The following TARS3 variants were observed in gnomAD, a reference collection of about 807,000 sequenced individuals.
The protein encoded by TARS3 is threonine--tRNA ligase 2, cytoplasmic.
TARS3 carries 94 observed loss-of-function variants against 103.5 expected under a neutral mutation model. The ratio of observed to expected loss-of-function variants is 0.91; its 90% CI spans 0.77 to 1.08. The LOEUF is 1.08. Among genes scored for constraint, TARS3 ranks in the 50% least tolerant of loss-of-function variants. The probability of loss-of-function intolerance (pLI) is 0.00; values close to 1 mark genes in which losing one functional copy is unlikely to be tolerated. For missense variants in TARS3, 952 were observed against 995.2 expected (o/e 0.96, Z 0.58); for synonymous variants, 416 against 355.4 (o/e 1.17, Z -1.92).
intron 16 of TARS3, among the ~76,000 whole-genome samples, chr15:101,660,063 A>C (rs1467602058): frequency 6.6e-6 from 1 of 152,194 alleles, no homozygotes; most frequent in South Asian, 2.1e-4. Flanking sequence ...ACCACATGGA[A>C]TCCATTATGG....
At chr15:101,687,360 G>A (rs1350028821) in intron 10 of TARS3, among the ~76,000 whole-genome samples, 2 of 152,096 alleles carry the variant, frequency 1.3e-5, no homozygotes, top group Admixed American at 6.6e-5. Flanking sequence ...CCAAGGTCAC[G>A]CCATTGCACT....
At chr15:101,695,035 T>C (rs1898901407) in intron 10 of TARS3, among the ~76,000 whole-genome samples, 1 of 152,198 alleles carries the variant, frequency 6.6e-6, no homozygotes, top group Non-Finnish European at 1.5e-5. Flanking sequence ...TGAATGTACT[T>C]AGTGAGAATG....
chr15:101,656,771 A>T (rs1054276877), intron 18 of TARS3, 151 bp downstream of exon 18: 29 of 571,732 alleles, frequency 5.1e-5, no homozygotes, highest in Admixed American at 2.3e-4. Context: ...GGAACAGCTA[A>T]GCTAGGAATG....
At chr15:101,671,189 T>G (rs776768434) in intron 15 of TARS3, among the ~76,000 whole-genome samples, 2 of 152,176 alleles carry the variant, frequency 1.3e-5, no homozygotes, top group Non-Finnish European at 2.9e-5. Context: ...ACAGACCCAA[T>G]GCCAGCATTT....
intron 3 of TARS3, among the ~76,000 whole-genome samples, chr15:101,717,945 G>C (rs1473171825): frequency 2.0e-5 from 3 of 152,224 alleles, no homozygotes; most frequent in African/African-American, 7.2e-5. Context: ...CTGGCAGTGA[G>C]TAACAAGGAA....
At position 101,686,034 on chromosome 15, in the gene TARS3, T is replaced by C. The variant is rs769877012; in HGVS notation, c.1349A>G (p.Glu450Gly). Reference protein sequence around the residue: ...REEYHKRDFTEVLSPNMYNSK... With the variant: ...REEYHKRDFTGVLSPNMYNSK... ...GTTGTACATATTGGGAGAGAGCACC[T>C]CCGTGAAGTCCCGTTTGTGATATTC... The change falls in exon 11 of 19, where the codon GAG becomes GGG. Residue 450 changes from glutamate (E) to glycine (G), a missense_variant. Around this residue, in one of 2 missense-constraint regions of TARS3, gnomAD observed 540 missense variants for 631.0 expected, o/e 0.86. Coordinates refer to ENST00000335968, the MANE Select transcript of TARS3 (RefSeq NM_152334.3). 11 of 1,611,364 alleles carry C rather than the reference T, an allele frequency of 6.8e-6. No homozygotes were observed. Among genetic ancestry groups the C allele is most frequent in the South Asian group, 1.1e-5 (1 of 90,606 alleles).
intron 15 of TARS3, among the ~76,000 whole-genome samples, chr15:101,670,656 C>T (rs545488490): frequency 1.8e-4 from 27 of 152,240 alleles, no homozygotes; most frequent in Non-Finnish European, 2.5e-4. Flanking sequence ...TGACCCATTC[C>T]CAGTTATTTA....
chr15:101,665,509 G>A (rs1364859499), intron 15 of TARS3, among the ~76,000 whole-genome samples: 1 of 152,186 alleles, frequency 6.6e-6, no homozygotes, highest in East Asian at 1.9e-4. Context: ...TATCATCTCA[G>A]CGTGTAGTGG....
chr15:101,679,953 A>AT (rs1468774139), intron 12 of TARS3, among the ~76,000 whole-genome samples: 1 of 152,128 alleles, frequency 6.6e-6, no homozygotes, highest in Non-Finnish European at 1.5e-5. Flanking sequence ...CTCATGACCA[A>AT]TTGGCAGTGA....
chr15:101,685,394 C>T lies in TARS3; in HGVS notation c.1487+502G>A, dbSNP rs573013380. Among the ~76,000 whole-genome samples, 9 of 152,150 alleles carry T rather than the reference C, an allele frequency of 5.9e-5. No individual in the cohort carries two copies. The South Asian group carries it at 1.0e-3, about 18-fold the overall frequency. ...ATGTGCTACAAAGAAAGAAAATAAC[C>T]TATTAATTAAATTATGATATAATGC... On this transcript the variant is annotated intron_variant, in intron 11 of 18. Transcript: ENST00000335968.
chr15:101,689,867 A>G (rs1239737826), intron 10 of TARS3, among the ~76,000 whole-genome samples: 2 of 152,258 alleles, frequency 1.3e-5, no homozygotes, highest in Non-Finnish European at 2.9e-5. Flanking sequence ...CTGGGGTGCC[A>G]CCAGGATAAG....
chr15:101,685,326 T>C (rs1262606500), intron 11 of TARS3, among the ~76,000 whole-genome samples: 6 of 152,210 alleles, frequency 3.9e-5, no homozygotes, highest in African/African-American at 9.6e-5. Context: ...TAGTCTTTCA[T>C]AGAATCAAAG....
intron 2 of TARS3, among the ~76,000 whole-genome samples, chr15:101,721,827 T>C (rs1366929223): frequency 2.0e-5 from 3 of 152,212 alleles, no homozygotes; most frequent in African/African-American, 4.8e-5. Context: ...GTGAAAGTCA[T>C]ATGCATTCAG....
In TARS3 at chr15:101,714,845, G is replaced by A. The variant is rs201413005; in HGVS notation, c.685C>T (p.Gln229Ter). ...TCTGGTTTTTAAATACTCACAGCTT[G>A]AGCTTCCTCATTATCAAATGTAAGC... is the stretch of plus-strand genomic sequence containing the variant. Reference protein sequence around the residue: ...ELLTFDNEEAQAVYWHSSAHI... With the variant: ...ELLTFDNEEA Residue 229 changes from glutamine (Q) to a stop codon, truncating the protein, a stop_gained, in exon 4 of 19, where the codon CAA (glutamine) becomes TAA (stop). Transcript: ENST00000335968. LOFTEE classifies it high-confidence loss of function. 1 of 1,604,148 alleles carries A rather than the reference G, an allele frequency of 6.2e-7. No homozygotes were observed. Among genetic ancestry groups the A allele is most frequent in the Admixed American group, 1.7e-5 (1 of 59,356 alleles).
At chr15:101,717,635 A>G (rs1900221949) in intron 3 of TARS3, among the ~76,000 whole-genome samples, 1 of 152,228 alleles carries the variant, frequency 6.6e-6, no homozygotes, top group African/African-American at 2.4e-5. Flanking sequence ...CACCTTCTGT[A>G]GATGGGAACC....
At chr15:101,719,137 C>A (rs1900315841) in intron 3 of TARS3, among the ~76,000 whole-genome samples, 1 of 152,200 alleles carries the variant, frequency 6.6e-6, no homozygotes, top group African/African-American at 2.4e-5. Context: ...CTAACTGCTG[C>A]CAGGCTGTGG....
At chr15:101,719,626 T>A (rs1280231148) in intron 3 of TARS3, among the ~76,000 whole-genome samples, 2 of 152,178 alleles carry the variant, frequency 1.3e-5, no homozygotes, top group Non-Finnish European at 2.9e-5. Flanking sequence ...AGGATGTAAG[T>A]GGAAACTGAA....
chr15:101,699,984 G>C (rs1899178143), intron 10 of TARS3, among the ~76,000 whole-genome samples: 1 of 152,118 alleles, frequency 6.6e-6, no homozygotes, highest in African/African-American at 2.4e-5. Context: ...TAAGCCATCA[G>C]TTTGCAAGAA....
In TARS3 at chr15:101,700,110, T is replaced by C. The variant is rs187741497; in HGVS notation, c.1320+976A>G. On this transcript the variant is annotated intron_variant, in intron 10 of 18. Coordinates refer to ENST00000335968, the MANE Select transcript of TARS3 (RefSeq NM_152334.3). ...GGAGATTTGTAGTTTTTGAGAGAAA[T>C]TGGAGCATGAATTAGTGGTAGGCAC... Among the ~76,000 whole-genome samples the C allele has an allele frequency of 1.3e-3, 203 of 152,154 alleles. 1 individual carries two copies. The highest frequency in any genetic ancestry group is 2.1e-3 in the Non-Finnish European group (142 of 68,008).
Sources: gnomAD v4.1 joint callset for allele counts (sites outside exome capture counted in the v4.1 genomes callset) on GRCh38, gnomAD v4.1.1 for gene constraint, gnomAD v4.1.1 regional missense constraint, MANE v1.5 for transcripts, NCBI Gene and HGNC (gene_info 2026-07-23, HGNC 2026-07-21) for gene names.